Variants in GRID1 observed in about 807,000 individuals in gnomAD.
GRID1 encodes the protein glutamate receptor ionotropic, delta-1.
In GRID1, 28 loss-of-function variants were observed where a neutral mutation model predicts 98.0. That is an observed-to-expected ratio of 0.29 (90% CI 0.21 to 0.39). The LOEUF is 0.39. Among genes scored for constraint, GRID1 ranks in the 10% least tolerant of loss-of-function variants. The probability of loss-of-function intolerance (pLI) is 1.00; values close to 1 mark genes in which losing one functional copy is unlikely to be tolerated. For synonymous variants in GRID1, 553 were observed against 538.5 expected (o/e 1.03, Z -0.37); for missense variants, 1,111 against 1,340.5 (o/e 0.83, Z 2.67).
intron 2 of GRID1, among the ~76,000 whole-genome samples, chr10:86,217,521 T>C (rs1409490555): frequency 6.6e-6 from 1 of 152,170 alleles, no homozygotes; most frequent in Non-Finnish European, 1.5e-5. Context: ...AATTCCTTCA[T>C]TCAGTCTGGG....
At chr10:85,872,369 A>G (rs1843286835) in intron 5 of GRID1, among the ~76,000 whole-genome samples, 3 of 152,160 alleles carry the variant, frequency 2.0e-5, no homozygotes, top group African/African-American at 7.2e-5. Flanking sequence ...TTTTTCCCAT[A>G]TTCTCTTGAT....
intron 3 of GRID1, among the ~76,000 whole-genome samples, chr10:86,187,413 G>A (rs1030411976): frequency 2.0e-5 from 3 of 152,212 alleles, no homozygotes; most frequent in African/African-American, 7.2e-5. Context: ...TAGAAAGGCT[G>A]GAGGCAGGAT....
intron 8 of GRID1, among the ~76,000 whole-genome samples, chr10:85,806,435 A>G (rs1258691761): frequency 6.6e-6 from 1 of 152,190 alleles, no homozygotes; most frequent in East Asian, 1.9e-4. Context: ...ATGGCTAGAC[A>G]TTTATCATAA....
At chr10:86,177,569 T>C (rs1845594051) in intron 3 of GRID1, among the ~76,000 whole-genome samples, 1 of 151,828 alleles carries the variant, frequency 6.6e-6, no homozygotes, top group Admixed American at 6.6e-5. Flanking sequence ...TTCCAGTATG[T>C]GTGTATGTGC....
intron 4 of GRID1, among the ~76,000 whole-genome samples, chr10:86,029,933 A>G (rs936173641): frequency 8.5e-5 from 13 of 152,314 alleles, no homozygotes; most frequent in Admixed American, 8.5e-4. Flanking sequence ...GAAATAATCT[A>G]CTATGTTACC....
intron 12 of GRID1, among the ~76,000 whole-genome samples, chr10:85,708,537 C>T (rs990425405): frequency 6.6e-6 from 1 of 151,890 alleles, no homozygotes; most frequent in Admixed American, 6.6e-5. Context: ...GAATAGTAAT[C>T]AAAAAGTGTC....
chr10:85,937,162 C>A (rs188786194), intron 4 of GRID1, among the ~76,000 whole-genome samples: 20 of 152,286 alleles, frequency 1.3e-4, no homozygotes, highest in Non-Finnish European at 2.5e-4. Context: ...AGGCCTCATC[C>A]CAACAATTCT....
chr10:85,642,639 C>T (rs73339002), intron 13 of GRID1, among the ~76,000 whole-genome samples: 2,079 of 152,240 alleles, frequency 0.014, 38 homozygotes, highest in African/African-American at 0.047. Context: ...GGTGTGTTGT[C>T]GTCTCTTAAT....
At chr10:85,859,682 G>C (rs758394349) in intron 6 of GRID1, among the ~76,000 whole-genome samples, 8 of 152,038 alleles carry the variant, frequency 5.3e-5, no homozygotes, top group Non-Finnish European at 1.2e-4. Context: ...CTCTTCCCTG[G>C]TAAGATATTG....
intron 8 of GRID1, among the ~76,000 whole-genome samples, chr10:85,769,426 A>C (rs1436426333): frequency 1.3e-5 from 2 of 152,156 alleles, no homozygotes; most frequent in African/African-American, 4.8e-5. Context: ...CTGCATTTCC[A>C]TCTGGGGTAC....
chr10:85,773,621 C>G (rs1053939702), intron 8 of GRID1, among the ~76,000 whole-genome samples: 1 of 152,186 alleles, frequency 6.6e-6, no homozygotes, highest in Non-Finnish European at 1.5e-5. Flanking sequence ...GCAACTTCAG[C>G]AAAGTCTCAG....
At chr10:85,748,026 T>C (rs1227794889) in intron 8 of GRID1, among the ~76,000 whole-genome samples, 2 of 152,142 alleles carry the variant, frequency 1.3e-5, no homozygotes, top group Non-Finnish European at 2.9e-5. Context: ...GGACTCTGTT[T>C]CTGATAAGCT....
intron 5 of GRID1, among the ~76,000 whole-genome samples, chr10:85,885,087 C>T (rs1003112554): frequency 2.0e-5 from 3 of 152,202 alleles, no homozygotes; most frequent in African/African-American, 4.8e-5. Context: ...GTCTCTAATT[C>T]TCTACTGAGA....
intron 2 of GRID1, chr10:86,264,880 C>A (rs977284816): frequency 7.2e-6 from 3 of 416,952 alleles, no homozygotes; most frequent in Non-Finnish European, 1.5e-5. Flanking sequence ...TCACTCCTTG[C>A]TGACAAGAGG....
At chr10:86,219,108 C>A (rs746173647) in intron 2 of GRID1, among the ~76,000 whole-genome samples, 1 of 152,250 alleles carries the variant, frequency 6.6e-6, no homozygotes, top group Non-Finnish European at 1.5e-5. Flanking sequence ...ACTGCCTGGG[C>A]AGTTCAGGTG....
intron 4 of GRID1, among the ~76,000 whole-genome samples, chr10:86,105,896 G>C (rs1844378041): frequency 1.3e-5 from 2 of 152,316 alleles, no homozygotes; most frequent in African/African-American, 4.8e-5. Context: ...ATGGGGAGAG[G>C]AAAATGATGG....
chr10:85,729,789 C>G (rs1319157932), intron 8 of GRID1, among the ~76,000 whole-genome samples, 175 bp from the exon 9 acceptor site: 1 of 152,196 alleles, frequency 6.6e-6, no homozygotes, highest in Non-Finnish European at 1.5e-5. Flanking sequence ...ATATGGTAGA[C>G]AGAGTTACAT....
At chr10:85,990,719 C>T (rs61856006) in intron 4 of GRID1, among the ~76,000 whole-genome samples, 6 of 152,090 alleles carry the variant, frequency 3.9e-5, no homozygotes, top group Non-Finnish European at 7.4e-5. Flanking sequence ...CAGTAGAATG[C>T]ATGGAGGCCT....
intron 3 of GRID1, among the ~76,000 whole-genome samples, chr10:86,177,298 C>T (rs1034820412): frequency 6.6e-6 from 1 of 152,234 alleles, no homozygotes; most frequent in Admixed American, 6.5e-5. Flanking sequence ...CCAATTACGG[C>T]TGCTTCTGAG....
Sources: gnomAD v4.1 joint callset for allele counts (sites outside exome capture counted in the v4.1 genomes callset) on GRCh38, gnomAD v4.1.1 for gene constraint, MANE v1.5 for transcripts, NCBI Gene and HGNC (gene_info 2026-07-23, HGNC 2026-07-21) for gene names.